Variants in ANKS1B observed in about 807,000 individuals in gnomAD.
ANKS1B encodes ankyrin repeat and sterile alpha motif domain-containing protein 1B.
A neutral mutation model predicts 148.3 loss-of-function variants in ANKS1B; 36 were observed. The observed-to-expected ratio is 0.24, with a 90% CI of 0.19 to 0.32. ANKS1B has a LOEUF of 0.32. Among genes scored for constraint, ANKS1B ranks in the 10% least tolerant of loss-of-function variants. The pLI is 1.00. For missense variants in ANKS1B, 1,157 were observed against 1,542.6 expected, an observed-to-expected ratio of 0.75 and a Z score of 4.19; for synonymous variants, 542 against 560.8, an observed-to-expected ratio of 0.97 and a Z score of 0.47.
chr12:99,722,619 C>A (rs893567615), intron 8 of ANKS1B, among the ~76,000 whole-genome samples: 13 of 152,116 alleles, frequency 8.5e-5, no homozygotes, highest in African/African-American at 3.1e-4. Context: ...TGGAGGTGTA[C>A]AAGGAGACTA....
rs2094520411 is a variant in ANKS1B at position 99,405,887 on chromosome 12, G to C, written c.1576-6076C>G. 1.4e-5 allele frequency among the ~76,000 whole-genome samples: 2 copies of C among 145,374 alleles called. 1 individual carries two copies. The highest frequency in any genetic ancestry group is 3.0e-5 in the Non-Finnish European group (2 of 65,754). On this transcript the variant is annotated intron_variant, in intron 11 of 26. Transcript: ENST00000683438. Reference sequence around the variant, plus strand: ...TAAAAATCAAAAAAGAGCAGTCGTAGCTATACTGATATGACAAAATAGATT... The same window carrying C: ...TAAAAATCAAAAAAGAGCAGTCGTACCTATACTGATATGACAAAATAGATT...
At chr12:99,721,828 T>C (rs1271429405) in intron 8 of ANKS1B, among the ~76,000 whole-genome samples, 1 of 152,186 alleles carries the variant, frequency 6.6e-6, no homozygotes, top group Non-Finnish European at 1.5e-5. Context: ...ATGTAAGAAA[T>C]ACATTTCAAG....
rs2099274165 is a variant in ANKS1B at position 98,829,110 on chromosome 12, T to C, written c.3066+64A>G. The stretch of plus-strand genomic sequence containing the variant: ...AATAAGCATCCATAGGAAGCTACTG[T>C]TCACTATTAAAAGGCATTACCTGAT... On this transcript the variant is annotated intron_variant, in intron 19 of 26. Coordinates refer to ENST00000683438, the MANE Select transcript of ANKS1B (RefSeq NM_001352186.2). The surrounding 1 kb of genome is among the most constrained non-coding windows in gnomAD (Gnocchi z 5.2). The C allele has an allele frequency of 6.3e-7, 1 of 1,576,006 alleles. No individual in the cohort carries two copies.
At chr12:99,648,525 A>G in intron 9 of ANKS1B, 1 of 1,614,178 alleles carries the variant, frequency 6.2e-7, no homozygotes, top group Non-Finnish European at 8.5e-7. Context: ...TCTTAGAACT[A>G]ACCAGGCTGC....
intron 10 of ANKS1B, among the ~76,000 whole-genome samples, chr12:99,449,715 T>C (rs1049270650): frequency 2.6e-5 from 4 of 152,098 alleles, no homozygotes; most frequent in African/African-American, 9.7e-5. Context: ...AGAAAACAAA[T>C]AGTTATCCTT....
intron 17 of ANKS1B, among the ~76,000 whole-genome samples, chr12:98,910,524 C>T (rs201409): frequency 0.71 from 108,517 of 152,066 alleles, 39,683 homozygotes; most frequent in East Asian, 0.93. Flanking sequence ...AGAGAACATG[C>T]TGAAAGTTCA....
intron 17 of ANKS1B, among the ~76,000 whole-genome samples, chr12:99,045,564 A>G (rs1431365176): frequency 6.6e-6 from 1 of 152,216 alleles, no homozygotes. Context: ...GAAAGATTTC[A>G]ATTCAATTGT....
At chr12:99,024,427 A>G (rs545921879) in intron 17 of ANKS1B, among the ~76,000 whole-genome samples, 70 of 152,204 alleles carry the variant, frequency 4.6e-4, no homozygotes, top group African/African-American at 1.6e-3. Context: ...GGAACTTCCA[A>G]CTTCCTGCTG....
chr12:98,742,402 AAAAACT>A (rs1402769233), downstream of ANKS1B, among the ~76,000 whole-genome samples: 2 of 152,170 alleles, frequency 1.3e-5, no homozygotes, highest in Admixed American at 6.5e-5. Flanking sequence ...AGAGAAAAAC[AAAAACT>A]GTTTTAATAA....
At chr12:99,408,454 G>C (rs897544949) in intron 11 of ANKS1B, among the ~76,000 whole-genome samples, 2 of 145,596 alleles carry the variant, frequency 1.4e-5, no homozygotes, top group East Asian at 3.9e-4. Context: ...ATTTCTTAAG[G>C]AACACTTCAC....
intron 9 of ANKS1B, among the ~76,000 whole-genome samples, chr12:99,644,828 C>T (rs746673550): frequency 1.3e-5 from 2 of 152,216 alleles, no homozygotes; most frequent in Non-Finnish European, 2.9e-5. Flanking sequence ...TGGAGGCTCA[C>T]AGGGAGAATC....
intron 8 of ANKS1B, among the ~76,000 whole-genome samples, chr12:99,770,051 C>T (rs1428238545): frequency 6.6e-6 from 1 of 152,146 alleles, no homozygotes; most frequent in Non-Finnish European, 1.5e-5. Context: ...ATTCCTTTGG[C>T]CACAAGGTAG....
chr12:99,861,127 C>T (rs2089965461), intron 1 of ANKS1B, among the ~76,000 whole-genome samples: 1 of 152,310 alleles, frequency 6.6e-6, no homozygotes, highest in East Asian at 1.9e-4. Flanking sequence ...TGTTCCTGTA[C>T]CTCGCTTCTG....
At chr12:99,047,202 C>A (rs1251585268) in intron 17 of ANKS1B, among the ~76,000 whole-genome samples, 10 of 152,152 alleles carry the variant, frequency 6.6e-5, no homozygotes, top group Non-Finnish European at 1.5e-5. Context: ...GAGTTCAAGA[C>A]CAGCCTGGCC....
intron 17 of ANKS1B, among the ~76,000 whole-genome samples, chr12:99,012,292 T>C (rs1006222600): frequency 1.4e-4 from 21 of 152,356 alleles, no homozygotes; most frequent in South Asian, 6.2e-4. Flanking sequence ...GCTTTAGACA[T>C]AGAGCTAGTA....
chr12:99,284,876 T>C (rs1047152491), intron 12 of ANKS1B, among the ~76,000 whole-genome samples: 4 of 152,190 alleles, frequency 2.6e-5, no homozygotes, highest in African/African-American at 9.6e-5. Flanking sequence ...TCCAGCTACA[T>C]TGACATCCTT....
chr12:99,260,475 CTTCA>C (rs892208062), intron 12 of ANKS1B, among the ~76,000 whole-genome samples: 3 of 152,214 alleles, frequency 2.0e-5, no homozygotes, highest in Non-Finnish European at 4.4e-5. Context: ...TCAAGAGATA[CTTCA>C]TTTCAAAAGA....
rs149311561 is a variant in ANKS1B, at chr12:98,834,020, T to G, written c.2779-1884A>C. On this transcript the variant is annotated intron_variant, in intron 17 of 26. Transcript: ENST00000683438. ...TTACGGGCCTTTTGGCCTAAACTGA[T>G]GTAGATTTTAAACTCACACTACGCC... 3.0e-3 allele frequency among the ~76,000 whole-genome samples: 460 copies of G among 152,302 alleles called. 4 individuals are homozygous for G. The highest frequency in any genetic ancestry group is 0.011 in the African/African-American group (443 of 41,566).
At chr12:99,785,167 C>A (rs1342179295) in intron 4 of ANKS1B, among the ~76,000 whole-genome samples, 2 of 149,388 alleles carry the variant, frequency 1.3e-5, no homozygotes, top group Non-Finnish European at 3.0e-5. Flanking sequence ...AAAGATGAAG[C>A]TTTTTGAGCT....
Sources: allele counts gnomAD v4.1 joint callset (sites outside exome capture counted in the v4.1 genomes callset), GRCh38; gene constraint gnomAD v4.1.1; non-coding constraint Gnocchi (gnomAD v3.1); transcripts MANE v1.5; gene names NCBI Gene and HGNC (gene_info 2026-07-23, HGNC 2026-07-21).